The following TDRD3 variants were observed in gnomAD, a reference collection of about 807,000 sequenced individuals.
TDRD3 encodes tudor domain-containing protein 3.
Under a neutral mutation model 86.7 loss-of-function variants are expected in TDRD3, and 45 were observed. That is an observed-to-expected ratio of 0.52 (90% CI 0.41 to 0.67). The LOEUF (loss-of-function observed/expected upper bound fraction) is 0.67. Ranked by LOEUF, TDRD3 falls within the 30% of genes least tolerant of loss-of-function variation. TDRD3 has a pLI of 0.00. For synonymous variants in TDRD3, 298 were observed against 301.7 expected (o/e 0.99, Z 0.13); for missense variants, 814 against 889.0 (o/e 0.92, Z 1.07).
intron 4 of TDRD3, among the ~76,000 whole-genome samples, chr13:60,462,661 C>G (rs146906603): frequency 0.011 from 1,723 of 152,168 alleles, 42 homozygotes; most frequent in African/African-American, 0.039. Context: ...TGCCCTGCCC[C>G]TTGCTAGTTT....
At chr13:60,543,733 T>G (rs756501511) in intron 12 of TDRD3, among the ~76,000 whole-genome samples, 7 of 152,112 alleles carry the variant, frequency 4.6e-5, no homozygotes, top group Admixed American at 6.5e-5. Flanking sequence ...TCCAAGCCTC[T>G]TCCTTTCTGT....
At chr13:60,502,740 G>A (rs1306981858) in intron 8 of TDRD3, among the ~76,000 whole-genome samples, 1 of 152,110 alleles carries the variant, frequency 6.6e-6, no homozygotes, top group Non-Finnish European at 1.5e-5. Context: ...CCTTGTACAG[G>A]ATTATATATA....
At chr13:60,513,140 T>G (rs1957095407) in intron 10 of TDRD3, among the ~76,000 whole-genome samples, 1 of 152,266 alleles carries the variant, frequency 6.6e-6, no homozygotes, top group African/African-American at 2.4e-5. Context: ...CAACATCATG[T>G]GGAAGCTGCC....
chr13:60,444,693 G>A lies in TDRD3; in HGVS notation c.137G>A (p.Arg46Lys). 6.8e-7 allele frequency: 1 copy of A among 1,466,818 alleles called. No individual in the cohort carries two copies. Among genetic ancestry groups the A allele is most frequent in the Non-Finnish European group, 9.1e-7 (1 of 1,093,470 alleles). 90.9% of individuals were successfully genotyped at this position (1,466,818 alleles called of 1,614,324 possible). Residue 46 changes from arginine (R) to lysine (K), a missense_variant, in exon 3 of 14, where the codon AGA becomes AAA. Arg to Lys is a conservative substitution (Grantham distance 26, BLOSUM62 2). Transcript: ENST00000377881. ...ATATTTTTATTTTAGACAGATCTGA[G>A]AACAATTGGCAAGAAATTCCTCCCC... ...IILIALNTDLRTIGKKFLPSD... is the reference protein window; with the variant it reads ...IILIALNTDLKTIGKKFLPSD...
intron 1 of TDRD3, among the ~76,000 whole-genome samples, chr13:60,423,382 T>C (rs1213569352): frequency 6.6e-6 from 1 of 152,136 alleles, no homozygotes; most frequent in African/African-American, 2.4e-5. Flanking sequence ...TAGATTTAAG[T>C]GGACAAAATA....
At chr13:60,447,038 C>G (rs904664221) in intron 3 of TDRD3, among the ~76,000 whole-genome samples, 3 of 152,162 alleles carry the variant, frequency 2.0e-5, no homozygotes, top group Non-Finnish European at 2.9e-5. Flanking sequence ...CTGCCTATCT[C>G]TTGACCATGC....
At chr13:60,428,672 A>G (rs535476050) in intron 1 of TDRD3, among the ~76,000 whole-genome samples, 1 of 152,354 alleles carries the variant, frequency 6.6e-6, no homozygotes, top group East Asian at 1.9e-4. Context: ...CTTGGAGAAC[A>G]TACGTCTTGA....
At chr13:60,535,274 GA>G (rs1283754159) in intron 12 of TDRD3, 41 bp downstream of exon 12, 1 of 1,561,052 alleles carries the variant, frequency 6.4e-7, no homozygotes, top group Non-Finnish European at 8.6e-7. Context: ...AAACTATTTT[GA>G]AGAAAATATA....
rs147470249 is a variant in TDRD3, at chr13:60,496,427, T to C, written c.858+1852T>C. On this transcript the variant is annotated intron_variant, in intron 8 of 13. Transcript: ENST00000377881. ...TTCTAGAGGAACAAAATATTAAGGA[T>C]GTATTTGTTTCGTTAGATTTGGGAT... Among the ~76,000 whole-genome samples the C allele has an allele frequency of 4.9e-4, 73 of 149,562 alleles. 1 individual carries two copies. The East Asian group carries it at 0.012, about 25-fold the overall frequency.
chr13:60,416,069 T>G (rs777789315), intron 1 of TDRD3, among the ~76,000 whole-genome samples: 2 of 152,194 alleles, frequency 1.3e-5, no homozygotes, highest in Middle Eastern at 3.2e-3. Context: ...TTAATAACTT[T>G]GTTGGATGGC....
At chr13:60,450,789 G>C (rs1159139841) in intron 3 of TDRD3, among the ~76,000 whole-genome samples, 1 of 152,134 alleles carries the variant, frequency 6.6e-6, no homozygotes, top group Non-Finnish European at 1.5e-5. Context: ...TATGTCAAAG[G>C]TGTGTACAAT....
At chr13:60,470,085 C>T (rs1956043331) in intron 5 of TDRD3, among the ~76,000 whole-genome samples, 1 of 152,194 alleles carries the variant, frequency 6.6e-6, no homozygotes, top group South Asian at 2.1e-4. Context: ...ATTCTACTTT[C>T]TGTCTCTGAA....
intron 11 of TDRD3, among the ~76,000 whole-genome samples, chr13:60,534,739 G>A (rs1445200882): frequency 2.6e-5 from 4 of 151,736 alleles, no homozygotes; most frequent in East Asian, 1.9e-4. Flanking sequence ...CAGCCTGGGC[G>A]ACATGGTGAA....
At chr13:60,416,882 A>T (rs577202254) in intron 1 of TDRD3, among the ~76,000 whole-genome samples, 19 of 151,764 alleles carry the variant, frequency 1.3e-4, no homozygotes, top group African/African-American at 4.4e-4. Flanking sequence ...TTCCTTTCTC[A>T]TCATTCGTTG....
intron 8 of TDRD3, among the ~76,000 whole-genome samples, chr13:60,501,173 C>G (rs927659989): frequency 2.0e-5 from 3 of 152,188 alleles, no homozygotes; most frequent in African/African-American, 7.2e-5. Context: ...CTTCTTAACT[C>G]CTGTATCATT....
intron 5 of TDRD3, among the ~76,000 whole-genome samples, chr13:60,474,168 T>G (rs953807663): frequency 2.0e-5 from 3 of 152,154 alleles, no homozygotes; most frequent in Non-Finnish European, 4.4e-5. Context: ...GAAGAAATAA[T>G]GGCGTAAGCT....
chr13:60,471,717 G>A (rs555871540), intron 5 of TDRD3, among the ~76,000 whole-genome samples: 15 of 152,034 alleles, frequency 9.9e-5, no homozygotes, highest in African/African-American at 2.9e-4. Flanking sequence ...TTGATTTTGC[G>A]TACTCCAACT....
chr13:60,397,892 CCG>C (rs1953978767), intron 1 of TDRD3, among the ~76,000 whole-genome samples: 1 of 152,084 alleles, frequency 6.6e-6, no homozygotes, highest in Admixed American at 6.5e-5. Context: ...AGAGCACAGC[CCG>C]CGCTGCGGCC....
At chr13:60,525,807 G>A (rs1194656407) in intron 10 of TDRD3, among the ~76,000 whole-genome samples, 1 of 152,176 alleles carries the variant, frequency 6.6e-6, no homozygotes, top group East Asian at 1.9e-4. Flanking sequence ...AAATGAAAGT[G>A]TTAATTGTTA....
Sources: allele counts gnomAD v4.1 joint callset (sites outside exome capture counted in the v4.1 genomes callset), GRCh38; gene constraint gnomAD v4.1.1; transcripts MANE v1.5; gene names NCBI Gene and HGNC (gene_info 2026-07-23, HGNC 2026-07-21).